The following PDGFRB variants were observed in gnomAD, a reference collection of about 807,000 sequenced individuals.
The protein encoded by PDGFRB is platelet derived growth factor receptor beta.
A neutral mutation model predicts 120.2 loss-of-function variants in PDGFRB; 42 were observed. The observed-to-expected ratio is 0.35, with a 90% confidence interval of 0.27 to 0.45. PDGFRB has a LOEUF of 0.45. Among genes scored for constraint, PDGFRB ranks in the 20% least tolerant of loss-of-function variants. PDGFRB has a pLI of 1.00. For missense variants in PDGFRB, 1,149 were observed against 1,476.3 expected (o/e 0.78, Z 3.63); for synonymous variants, 586 against 606.8 (o/e 0.97, Z 0.50).
At chr5:150,148,747 G>A (rs1208325404) in intron 1 of PDGFRB, among the ~76,000 whole-genome samples, 3 of 152,252 alleles carry the variant, frequency 2.0e-5, no homozygotes, top group Admixed American at 2.0e-4. Context: ...TAGGTGCCCA[G>A]TAAATGGTGA....
chr5:150,145,741 A>T (rs1760904058), intron 1 of PDGFRB, among the ~76,000 whole-genome samples: 1 of 152,158 alleles, frequency 6.6e-6, no homozygotes, highest in Non-Finnish European at 1.5e-5. Flanking sequence ...ATAAAAAAAA[A>T]TAAAAGTTAA....
At position 150,120,781 on chromosome 5, in the gene PDGFRB, C is replaced by G. The variant is rs1296337886; in HGVS notation, c.2586+107G>C. The stretch of plus-strand genomic sequence containing the variant: ...TGCTGTCAGGGCAGGCCACAAGGAG[C>G]CCCACACAGATTTCCTATGAGCTGC... On this transcript the variant is annotated intron_variant, in intron 18 of 22. Transcript: ENST00000261799. The surrounding 1 kb of genome is among the most constrained non-coding windows in gnomAD (Gnocchi z 4.3). The G allele has an allele frequency of 9.6e-7, 1 of 1,042,828 alleles. No homozygotes were observed. Among genetic ancestry groups the G allele is most frequent in the African/African-American group, 1.6e-5 (1 of 63,962 alleles). 64.6% of individuals were successfully genotyped at this position (1,042,828 alleles called of 1,614,324 possible).
Position 150,133,938 on chromosome 5 carries a change from C to T in PDGFRB, c.702G>A (p.Met234Ile). ...CCACCTCATTCCCGATCACAATGCA[C>T]ATGAGGGTGATGTTCTCACCCTGGC... The part of the protein sequence containing the change: ...VVRQGENITL[M>I]CIVIGNEVVN... The change falls in exon 5 of 23, where the codon ATG becomes ATA. Residue 234 changes from methionine (M) to isoleucine (I), a missense_variant. Coordinates refer to ENST00000261799, the MANE Select transcript of PDGFRB (RefSeq NM_002609.4). 1 of 1,613,788 alleles carries T rather than the reference C, an allele frequency of 6.2e-7. No individual in the cohort carries two copies. Among genetic ancestry groups the T allele is most frequent in the Non-Finnish European group, 8.5e-7 (1 of 1,179,674 alleles).
chr5:150,123,103 G>A lies in PDGFRB; in HGVS notation c.2122C>T (p.Arg708Cys), dbSNP rs749226501. Residue 708 changes from arginine (R) to cysteine (C), a missense_variant, in exon 15 of 23, where the codon CGC becomes TGC. Coordinates refer to ENST00000261799, the MANE Select transcript of PDGFRB (RefSeq NM_002609.4). ...TAGAGCTCCGCGCTGGGCGGGCGGC[G>A]CTTGTCGGAGTGGTGCTGCAGGAAG... ...HTFLQHHSDKRRPPSAELYSN... is the reference protein window; with the variant it reads ...HTFLQHHSDKCRPPSAELYSN... 1.3e-5 allele frequency: 21 copies of A among 1,613,816 alleles called. No individual in the cohort carries two copies. The highest frequency in any genetic ancestry group is 5.0e-5 in the Admixed American group (3 of 60,018).
In PDGFRB at chr5:150,115,964, T is replaced by C. The variant is rs777797831; in HGVS notation, c.3138-18A>G. On this transcript the variant is annotated intron_variant, in intron 22 of 22. Transcript: ENST00000261799. ...GGGTGGAGCTAGAGGAAAGAGGCAG[T>C]GAGTGAGGGGCTAGGAAGGAGCCCA... 2.6e-6 allele frequency: 4 copies of C among 1,550,510 alleles called. No homozygotes were observed. The highest frequency in any genetic ancestry group is 2.6e-6 in the Non-Finnish European group (3 of 1,146,820).
At chr5:150,137,666 G>C (rs186564821) in intron 1 of PDGFRB, among the ~76,000 whole-genome samples, 2 of 152,346 alleles carry the variant, frequency 1.3e-5, no homozygotes, top group Admixed American at 6.5e-5. Context: ...AGGCCCAGGG[G>C]ACAGCGGCTA....
Position 150,142,778 on chromosome 5 carries a change from G to A in PDGFRB, c.-6-5725C>T, listed in dbSNP as rs114924500. 7.4e-3 allele frequency among the ~76,000 whole-genome samples: 1,120 copies of A among 152,212 alleles called. 14 individuals are homozygous for A. The highest frequency in any genetic ancestry group is 0.026 in the African/African-American group (1,070 of 41,534). ...TTATAAATAAGGCACAGTAAGAGAT[G>A]AACAACAATAATAATAAAATAGAAC... On this transcript the variant is annotated intron_variant, in intron 1 of 22. Coordinates refer to ENST00000261799, the MANE Select transcript of PDGFRB (RefSeq NM_002609.4).
chr5:150,138,184 A>G (rs1286732408), intron 1 of PDGFRB, among the ~76,000 whole-genome samples: 2 of 152,212 alleles, frequency 1.3e-5, no homozygotes, highest in African/African-American at 4.8e-5. Context: ...GGGGTCGCAG[A>G]GCATGAGCTT....
At position 150,155,679 on chromosome 5, in the gene PDGFRB, C is replaced by G. The variant is rs1024188895; in HGVS notation, c.-289G>C. ...GGAGCAGAGCCGCCAGAGGGGCCGC[C>G]CTGGGTCTGGCTGTCTGCGTTGGGC... On this transcript the variant is annotated 5_prime_UTR_variant, in exon 1 of 23. Coordinates refer to ENST00000261799, the MANE Select transcript of PDGFRB (RefSeq NM_002609.4). 5 of 398,588 alleles carry G rather than the reference C, an allele frequency of 1.3e-5. No individual in the cohort carries two copies. The highest frequency in any genetic ancestry group is 2.2e-5 in the Non-Finnish European group (5 of 226,136). The allele number at this position is 398,588 out of a possible 1,614,324, so 24.7% of individuals were successfully genotyped here. A position where few individuals can be genotyped will look rare whatever the true frequency, so the allele number is the denominator to read the frequency against.
chr5:150,115,989 A>T (rs1340741168), intron 22 of PDGFRB, 43 bp from the exon 23 acceptor site: 8 of 1,527,504 alleles, frequency 5.2e-6, no homozygotes. Context: ...GAAGGAGCCC[A>T]GGAGGATTCC....
chr5:150,135,595 C>T lies in PDGFRB; in HGVS notation c.324G>A (p.Leu108=), dbSNP rs2113912090. 1 of 1,613,288 alleles carries T rather than the reference C, an allele frequency of 6.2e-7. No individual in the cohort carries two copies. Among genetic ancestry groups the T allele is most frequent in the South Asian group, 1.1e-5 (1 of 90,944 alleles). The change falls in exon 3 of 23, where the codon CTG becomes CTA. Residue 108 remains leucine, a synonymous_variant. Coordinates refer to ENST00000261799, the MANE Select transcript of PDGFRB (RefSeq NM_002609.4). ...AGAGCCGTTTCCGCTCATCGGTCTC[C>T]AGTCCACGGGAGTCATTGTGGGTGC... ...YFCTHNDSRG[L]ETDERKRLYI...
At chr5:150,123,617 C>T (rs566726319) in intron 14 of PDGFRB, among the ~76,000 whole-genome samples, 1 of 152,314 alleles carries the variant, frequency 6.6e-6, no homozygotes, top group African/African-American at 2.4e-5. Context: ...AACTACAATG[C>T]ATTTACTTAA....
chr5:150,130,237 C>A (rs1760424361), intron 9 of PDGFRB, among the ~76,000 whole-genome samples: 1 of 152,210 alleles, frequency 6.6e-6, no homozygotes, highest in South Asian at 2.1e-4. Flanking sequence ...CTGAATCCTG[C>A]CTCTGTCCAC....
chr5:150,117,038 T>A (rs147474388), intron 22 of PDGFRB, among the ~76,000 whole-genome samples: 37 of 152,304 alleles, frequency 2.4e-4, no homozygotes, highest in African/African-American at 8.9e-4. Context: ...TGCGTGGACA[T>A]CAAGTCCACA....
chr5:150,123,713 C>T (rs1244679358), intron 14 of PDGFRB, among the ~76,000 whole-genome samples: 1 of 152,136 alleles, frequency 6.6e-6, no homozygotes, highest in Non-Finnish European at 1.5e-5. Context: ...AGTCTATGTA[C>T]CCAACATACT....
chr5:150,120,674 G>A lies in PDGFRB; in HGVS notation c.2586+214C>T, dbSNP rs1364891497. Among the ~76,000 whole-genome samples, 3 of 151,890 alleles carry A rather than the reference G, an allele frequency of 2.0e-5. No individual in the cohort carries two copies. The highest frequency in any genetic ancestry group is 1.5e-5 in the Non-Finnish European group (1 of 67,970). On this transcript the variant is annotated intron_variant, in intron 18 of 22. Transcript: ENST00000261799. This position sits in a 1 kb window ranked among gnomAD's most constrained non-coding sequence, Gnocchi z 4.3. ...GGACCCATTATAGCCAGCCCTCCCC[G>A]CCGCTATACTTGCTCCATGCACTCC... is the stretch of plus-strand genomic sequence containing the variant.
rs1759833963 is a variant in PDGFRB at position 150,113,841 on chromosome 5, T to C, written c.*1922A>G. 1 of 228,204 alleles carries C rather than the reference T, an allele frequency of 4.4e-6. No homozygotes were observed. Among genetic ancestry groups the C allele is most frequent in the African/African-American group, 2.2e-5 (1 of 44,994 alleles). The allele number at this position is 228,204 out of a possible 1,614,324, so 14.1% of individuals were successfully genotyped here. A position where few individuals can be genotyped will look rare whatever the true frequency, so the allele number is the denominator to read the frequency against. On this transcript the variant is annotated 3_prime_UTR_variant, in exon 23 of 23. Transcript: ENST00000261799. ...AACCCGAGAGAGACCACAAAGTCTG[T>C]GAGTGAGAAGCACCAGGTTTAATAT... is the stretch of plus-strand genomic sequence containing the variant.
At chr5:150,139,740 G>A (rs1760730035) in intron 1 of PDGFRB, among the ~76,000 whole-genome samples, 1 of 152,108 alleles carries the variant, frequency 6.6e-6, no homozygotes, top group South Asian at 2.1e-4. Flanking sequence ...CCAGCACTTT[G>A]GGAGGCCGAG....
rs1011594925 is a variant in PDGFRB at position 150,124,138 on chromosome 5, G to A, written c.2023+112C>T. On this transcript the variant is annotated intron_variant, in intron 14 of 22. Transcript: ENST00000261799. Reference sequence around the variant, plus strand: ...TGAGGGCGCTGGAGCGGGTGGGCACGGACCCTCCAGCAGGAGTGTGCTGTT... The same window carrying A: ...TGAGGGCGCTGGAGCGGGTGGGCACAGACCCTCCAGCAGGAGTGTGCTGTT... 46 of 677,016 alleles carry A rather than the reference G, an allele frequency of 6.8e-5. 1 individual carries two copies. The highest frequency in any genetic ancestry group is 5.7e-5 in the Admixed American group (2 of 35,208). The allele number at this position is 677,016 out of a possible 1,614,324, so 41.9% of individuals were successfully genotyped here. A position where few individuals can be genotyped will look rare whatever the true frequency, so the allele number is the denominator to read the frequency against.
Sources: allele counts gnomAD v4.1 joint callset (sites outside exome capture counted in the v4.1 genomes callset), GRCh38; gene constraint gnomAD v4.1.1; non-coding constraint Gnocchi (gnomAD v3.1); transcripts MANE v1.5; gene names NCBI Gene and HGNC (gene_info 2026-07-23, HGNC 2026-07-21).